The following EVI5L variants were observed in gnomAD, a reference collection of about 807,000 sequenced individuals.
The protein encoded by EVI5L is ecotropic viral integration site 5 like, also known as EVI5-like protein.
EVI5L carries 30 observed loss-of-function variants against 106.1 expected under a neutral mutation model. The ratio of observed to expected loss-of-function variants is 0.28; its 90% CI spans 0.21 to 0.38. The LOEUF (loss-of-function observed/expected upper bound fraction) is 0.38, where lower values mean the gene tolerates loss of function less well. EVI5L is among the 10% of genes least tolerant of loss of function. The pLI is 1.00. For synonymous variants in EVI5L, 489 were observed against 483.3 expected, an observed-to-expected ratio of 1.01 and a Z score of -0.15; for missense variants, 809 against 1,098.0, an observed-to-expected ratio of 0.74 and a Z score of 3.72.
chr19:7,843,402 TGAGTGTGAGAATAGGC>T, intron 1 of EVI5L, among the ~76,000 whole-genome samples: 1 of 128,464 alleles, frequency 7.8e-6, no homozygotes, highest in East Asian at 2.5e-4. Context: ...CATAGGTGTG[TGAGTGTGAGAATAGGC>T]ATGGGTGTGT....
At chr19:7,838,702 A>C (rs1479764648) in intron 1 of EVI5L, among the ~76,000 whole-genome samples, 1 of 152,128 alleles carries the variant, frequency 6.6e-6, no homozygotes, top group African/African-American at 2.4e-5. Context: ...GCAGGCAGGC[A>C]GGCAGGTTTA....
At position 7,855,981 on chromosome 19, in the gene EVI5L, C is replaced by G. The variant is rs55825006; in HGVS notation, c.1147-34C>G. 4.6e-6 allele frequency: 6 copies of G among 1,318,040 alleles called. No individual in the cohort carries two copies. In the East Asian group the frequency reaches 8.4e-5, roughly 19 times the overall value. The allele number at this position is 1,318,040 out of a possible 1,614,324, so 81.6% of individuals were successfully genotyped here. A position where few individuals can be genotyped will look rare whatever the true frequency, so the allele number is the denominator to read the frequency against. On this transcript the variant is annotated intron_variant, in intron 10 of 19. Coordinates refer to ENST00000538904, the MANE Select transcript of EVI5L (RefSeq NM_001159944.3). ...GGTGCATGTAGACAGGCGTGGGGGG[C>G]GGGCTATGACGTGATCTCCCCCCAC...
rs770916086 is a variant in EVI5L at position 7,858,257 on chromosome 19, C to T, written c.1300C>T (p.Arg434Trp). 5.1e-6 allele frequency: 8 copies of T among 1,558,954 alleles called. No homozygotes were observed. The highest frequency in any genetic ancestry group is 1.4e-5 in the African/African-American group (1 of 73,624). The change falls in exon 13 of 20, where the codon CGG (arginine) becomes TGG (tryptophan). Residue 434 changes from arginine (R) to tryptophan (W), a missense_variant. This residue lies in a region of EVI5L where 357 missense variants were observed against 588.1 expected (regional missense o/e 0.61). Coordinates refer to ENST00000538904, the MANE Select transcript of EVI5L (RefSeq NM_001159944.3). The surrounding 1 kb of genome is among the most constrained non-coding windows in gnomAD (Gnocchi z 5.7). ...CATCAAGCGGGAGCTGGCGGTGGTG[C>T]GGCAGCAGTGCAGCTCGGCGGCCGA... ...YVIKRELAVV[R>W]QQCSSAAEDL... is the part of the protein sequence containing the mutation.
rs1216383005 is a variant in EVI5L at position 7,863,318 on chromosome 19, G to A, written c.2139+38G>A. On this transcript the variant is annotated intron_variant, in intron 19 of 19. Transcript: ENST00000538904. This position sits in a 1 kb window ranked among gnomAD's most constrained non-coding sequence, Gnocchi z 7.7. ...GGGGATGCCGGGGACAGGCCTGGGTGTCGTCGGCCTGGGACGAGCCGAGCG... is the reference window on the plus strand; with the variant it reads ...GGGGATGCCGGGGACAGGCCTGGGTATCGTCGGCCTGGGACGAGCCGAGCG... 4.5e-6 allele frequency: 7 copies of A among 1,548,830 alleles called. No homozygotes were observed. In the Admixed American group the frequency reaches 7.9e-5, roughly 17 times the overall value.
intron 10 of EVI5L, among the ~76,000 whole-genome samples, chr19:7,855,371 C>A (rs952734020): frequency 5.6e-4 from 86 of 152,266 alleles, no homozygotes; most frequent in African/African-American, 2.0e-3. Context: ...GGATTACAGG[C>A]GTGAGCCACT....
At chr19:7,852,930 C>T (rs1979326875) in intron 8 of EVI5L, 156 bp from the exon 9 acceptor site, 7 of 692,788 alleles carry the variant, frequency 1.0e-5, no homozygotes, top group Admixed American at 2.4e-5. Flanking sequence ...CTCAGTCTTT[C>T]CATTGCTCCA....
At chr19:7,844,143 G>A (rs773704329) in intron 1 of EVI5L, among the ~76,000 whole-genome samples, 3 of 151,844 alleles carry the variant, frequency 2.0e-5, no homozygotes, top group Non-Finnish European at 4.4e-5. Context: ...CCGAGGTCAG[G>A]AGTTCGAGAC....
Position 7,862,209 on chromosome 19 carries a change from C to G in EVI5L, c.1732C>G (p.Leu578Val). The change falls in exon 16 of 20, where the codon CTG (leucine) becomes GTG (valine). Residue 578 changes from leucine (L) to valine (V), a missense_variant. Leu to Val is a conservative substitution (Grantham distance 32). Coordinates refer to ENST00000538904, the MANE Select transcript of EVI5L (RefSeq NM_001159944.3). ...GCAGGACGAGCTGATGAGCGTGCGT[C>G]TGCGCGAGGCCCAGGCCCTGGCCGA... ...ELQDELMSVRLREAQALAEGR... is the reference protein window; with the variant it reads ...ELQDELMSVRVREAQALAEGR... The G allele has an allele frequency of 2.5e-6, 4 of 1,573,312 alleles. No individual in the cohort carries two copies. The highest frequency in any genetic ancestry group is 3.4e-6 in the Non-Finnish European group (4 of 1,161,828).
chr19:7,864,180 C>T lies in EVI5L; in HGVS notation c.*478C>T, dbSNP rs1365543554. 1.9e-5 allele frequency: 3 copies of T among 156,488 alleles called. No homozygotes were observed. The highest frequency in any genetic ancestry group is 7.2e-5 in the African/African-American group (3 of 41,628). The allele number at this position is 156,488 out of a possible 1,614,324, so 9.7% of individuals were successfully genotyped here. A position where few individuals can be genotyped will look rare whatever the true frequency, so the allele number is the denominator to read the frequency against. On this transcript the variant is annotated 3_prime_UTR_variant, in exon 20 of 20. Coordinates refer to ENST00000538904, the MANE Select transcript of EVI5L (RefSeq NM_001159944.3). This position sits in a 1 kb window ranked among gnomAD's most constrained non-coding sequence, Gnocchi z 4.5. ...TGGACATCAGCACCCCACAACACTCCTCGGGATGAAGTGACCCTTGACTAG... is the reference window on the plus strand; with the variant it reads ...TGGACATCAGCACCCCACAACACTCTTCGGGATGAAGTGACCCTTGACTAG...
rs1978918696 is a variant in EVI5L, at chr19:7,845,661, GC to G, written c.-47-832del. On this transcript the variant is annotated intron_variant, in intron 1 of 19. Coordinates refer to ENST00000538904, the MANE Select transcript of EVI5L (RefSeq NM_001159944.3). The surrounding 1 kb of genome is among the most constrained non-coding windows in gnomAD (Gnocchi z 4.0). Reference sequence around the variant, plus strand: ...ATGCTTCAGACGCAGATCCATTTGAGCCCAGTACCTTTGTTTTTGACATGGC... The same window carrying G: ...ATGCTTCAGACGCAGATCCATTTGAGCCAGTACCTTTGTTTTTGACATGGC... Among the ~76,000 whole-genome samples the G allele has an allele frequency of 6.6e-6, 1 of 152,226 alleles. No individual in the cohort carries two copies.
rs1408715575 is a variant in EVI5L at position 7,863,737 on chromosome 19, C to G, written c.*35C>G. 1 of 1,431,164 alleles carries G rather than the reference C, an allele frequency of 7.0e-7. No homozygotes were observed. Among genetic ancestry groups the G allele is most frequent in the Non-Finnish European group, 9.1e-7 (1 of 1,098,416 alleles). 88.7% of individuals were successfully genotyped at this position (1,431,164 alleles called of 1,614,324 possible). A position where few individuals can be genotyped will look rare whatever the true frequency, so the allele number is the denominator to read the frequency against. ...CAGCGCGCCCGGAGTCAGGAGGCCG[C>G]AGCCGCGGGGGGCGCCCGGGCAGTC... On this transcript the variant is annotated 3_prime_UTR_variant, in exon 20 of 20. Transcript: ENST00000538904. The surrounding 1 kb of genome is among the most constrained non-coding windows in gnomAD (Gnocchi z 7.7).
chr19:7,831,741 C>T (rs544475491), intron 1 of EVI5L, among the ~76,000 whole-genome samples: 1 of 152,364 alleles, frequency 6.6e-6, no homozygotes, highest in South Asian at 2.1e-4. Context: ...GGCTTCCGTC[C>T]TGAAGTCTGC....
At chr19:7,833,124 A>G (rs894256774) in intron 1 of EVI5L, among the ~76,000 whole-genome samples, 2 of 152,224 alleles carry the variant, frequency 1.3e-5, no homozygotes, top group Non-Finnish European at 2.9e-5. Flanking sequence ...TTTACCCGAG[A>G]CTGGGCTCGT....
At chr19:7,862,902 C>A (rs1277285691) in intron 17 of EVI5L, 70 bp from the exon 18 acceptor site, 13 of 1,166,214 alleles carry the variant, frequency 1.1e-5, no homozygotes. Context: ...CGCCCCTGCC[C>A]GCGGTCCCGC....
chr19:7,850,856 C>T lies in EVI5L; in HGVS notation c.754-578C>T, dbSNP rs577666169. Among the ~76,000 whole-genome samples the T allele has an allele frequency of 1.1e-4, 16 of 152,330 alleles. No homozygotes were observed. The East Asian group carries it at 2.5e-3, about 24-fold the overall frequency. Reference sequence around the variant, plus strand: ...AACTCAGGGCGCAGAGAGCCCCTGGCGCTGGGAGGAAGCCCGGGATCCTAA... The same window carrying T: ...AACTCAGGGCGCAGAGAGCCCCTGGTGCTGGGAGGAAGCCCGGGATCCTAA... On this transcript the variant is annotated intron_variant, in intron 6 of 19. Coordinates refer to ENST00000538904, the MANE Select transcript of EVI5L (RefSeq NM_001159944.3). The surrounding 1 kb of genome is among the most constrained non-coding windows in gnomAD (Gnocchi z 5.4).
intron 1 of EVI5L, among the ~76,000 whole-genome samples, chr19:7,830,699 C>T (rs1978290502): frequency 6.8e-6 from 1 of 147,746 alleles, no homozygotes; most frequent in Non-Finnish European, 1.5e-5. Flanking sequence ...CTCCGGGAAC[C>T]CCCTCAGGGC....
chr19:7,861,718 C>T (rs1171092998), intron 14 of EVI5L, among the ~76,000 whole-genome samples, 160 bp from the exon 15 acceptor site: 4 of 152,118 alleles, frequency 2.6e-5, no homozygotes, highest in African/African-American at 9.7e-5. Context: ...GTTCCACAGG[C>T]GAGTCCGCTC....
chr19:7,861,931 G>A lies in EVI5L; in HGVS notation c.1557G>A (p.Leu519=), dbSNP rs1474790553. Residue 519 remains leucine, a synonymous_variant, in exon 15 of 20, where the codon CTG becomes CTA. Transcript: ENST00000538904. The part of the protein sequence containing the change: ...ENNVAQLQEE[L]KALKVREGQA... ...ATGTGGCGCAGCTGCAGGAGGAGCTGAAGGCGCTCAAGGTGCGGGAAGGCC... is the reference window on the plus strand; with the variant it reads ...ATGTGGCGCAGCTGCAGGAGGAGCTAAAGGCGCTCAAGGTGCGGGAAGGCC... 7.7e-6 allele frequency: 12 copies of A among 1,550,526 alleles called. No individual in the cohort carries two copies. The highest frequency in any genetic ancestry group is 1.0e-5 in the Non-Finnish European group (12 of 1,147,108).
At chr19:7,833,534 T>C (rs1337174072) in intron 1 of EVI5L, among the ~76,000 whole-genome samples, 1 of 152,146 alleles carries the variant, frequency 6.6e-6, no homozygotes, top group East Asian at 1.9e-4. Context: ...GATGCATCCC[T>C]GGGGTGTTGG....
Sources: gnomAD v4.1 joint callset for allele counts (sites outside exome capture counted in the v4.1 genomes callset) on GRCh38, gnomAD v4.1.1 for gene constraint, gnomAD v4.1.1 regional missense constraint, Gnocchi (gnomAD v3.1) non-coding constraint, MANE v1.5 for transcripts, NCBI Gene and HGNC (gene_info 2026-07-23, HGNC 2026-07-21) for gene names.